The following NKG7 variants were observed in gnomAD, a reference collection of about 807,000 sequenced individuals.
NKG7 encodes protein NKG7.
Under a neutral mutation model 14.7 loss-of-function variants are expected in NKG7, and 8 were observed. The observed-to-expected ratio is 0.54, with a 90% CI of 0.32 to 0.98. NKG7 has a LOEUF of 0.98. Among genes scored for constraint, NKG7 ranks in the 50% least tolerant of loss-of-function variants. The probability of loss-of-function intolerance (pLI) is 0.04; values close to 1 mark genes in which losing one functional copy is unlikely to be tolerated. For missense variants in NKG7, 215 were observed against 211.1 expected, an observed-to-expected ratio of 1.02 and a Z score of -0.11; for synonymous variants, 95 against 90.7, an observed-to-expected ratio of 1.05 and a Z score of -0.27.
In NKG7 at chr19:51,372,004, G is replaced by T. The variant is rs1436053424; in HGVS notation, c.375C>A (p.Ile125=). Residue 125 remains isoleucine, a synonymous_variant, in exon 3 of 4, where the codon ATC becomes ATA. Coordinates refer to ENST00000221978, the MANE Select transcript of NKG7 (RefSeq NM_005601.4). This position sits in a 1 kb window ranked among gnomAD's most constrained non-coding sequence, Gnocchi z 4.8. ...AGAAGGACCAGGAGAAGAAGGTCTG[G>T]ATCTGGGGGTGTGGAGGCTGGTCCC... The part of the protein sequence containing the change: ...ERWDQPPHPQ[I]QTFFSWSFYL... 10 of 1,613,608 alleles carry T rather than the reference G, an allele frequency of 6.2e-6. No homozygotes were observed. The African/African-American group carries it at 1.2e-4, about 19-fold the overall frequency.
Position 51,372,423 on chromosome 19 carries a change from G to T in NKG7, c.113C>A (p.Ala38Asp), listed in dbSNP as rs200480318. The T allele has an allele frequency of 6.2e-7, 1 of 1,614,218 alleles. No individual in the cohort carries two copies. The highest frequency in any genetic ancestry group is 8.5e-7 in the Non-Finnish European group (1 of 1,180,048). The change falls in exon 1 of 4, where the codon GCT becomes GAT. Residue 38 changes from alanine (A) to aspartate (D), a missense_variant. Ala to Asp is a moderately radical substitution (Grantham distance 126, BLOSUM62 -2). Transcript: ENST00000221978. This position sits in a 1 kb window ranked among gnomAD's most constrained non-coding sequence, Gnocchi z 4.8. ...CCCTGTTGGCCAGAGGCCCGAGTGA[G>T]CTGAGTGGGTGGGACCCACAGCCTC... ...WFEAVGPTHS[A>D]HSGLWPTGHG...
Position 51,372,422 on chromosome 19 carries a change from A to G in NKG7, c.114T>C (p.Ala38=), listed in dbSNP as rs1213833256. 6.2e-7 allele frequency: 1 copy of G among 1,614,186 alleles called. No homozygotes were observed. Among genetic ancestry groups the G allele is most frequent in the Non-Finnish European group, 8.5e-7 (1 of 1,180,036 alleles). ...WFEAVGPTHS[A]HSGLWPTGHG... Reference sequence around the variant, plus strand: ...GCCCTGTTGGCCAGAGGCCCGAGTGAGCTGAGTGGGTGGGACCCACAGCCT... The same window carrying G: ...GCCCTGTTGGCCAGAGGCCCGAGTGGGCTGAGTGGGTGGGACCCACAGCCT... Residue 38 remains alanine, a synonymous_variant, in exon 1 of 4, where the codon GCT becomes GCC. Transcript: ENST00000221978. This position sits in a 1 kb window ranked among gnomAD's most constrained non-coding sequence, Gnocchi z 4.8.
In NKG7 at chr19:51,372,002, T is replaced by C; in HGVS notation, c.377A>G (p.Gln126Arg). ...RWDQPPHPQIQTFFSWSFYLG... is the reference protein window; with the variant it reads ...RWDQPPHPQIRTFFSWSFYLG... ...GTAGAAGGACCAGGAGAAGAAGGTC[T>C]GGATCTGGGGGTGTGGAGGCTGGTC... is the stretch of plus-strand genomic sequence containing the variant. Residue 126 changes from glutamine (Q) to arginine (R), a missense_variant, in exon 3 of 4, where the codon CAG becomes CGG. By Grantham distance (43) the Gln-to-Arg change is conservative. Transcript: ENST00000221978. This position sits in a 1 kb window ranked among gnomAD's most constrained non-coding sequence, Gnocchi z 4.8. 1 of 1,613,700 alleles carries C rather than the reference T, an allele frequency of 6.2e-7. No homozygotes were observed. The highest frequency in any genetic ancestry group is 8.5e-7 in the Non-Finnish European group (1 of 1,179,968).
In NKG7 at chr19:51,372,084, A is replaced by C; in HGVS notation, c.305-10T>G. ...ACCACCATGGAGATGGCTGGGGACA[A>C]GGACAAGAGAGATGGCTCAGCTCCT... On this transcript the variant is annotated splice_polypyrimidine_tract_variant and intron_variant, in intron 2 of 3. Coordinates refer to ENST00000221978, the MANE Select transcript of NKG7 (RefSeq NM_005601.4). The surrounding 1 kb of genome is among the most constrained non-coding windows in gnomAD (Gnocchi z 4.8). 1 of 1,602,916 alleles carries C rather than the reference A, an allele frequency of 6.2e-7. No homozygotes were observed. Among genetic ancestry groups the C allele is most frequent in the Non-Finnish European group, 8.5e-7 (1 of 1,172,874 alleles).
At position 51,371,894 on chromosome 19, in the gene NKG7, A is replaced by G; in HGVS notation, c.439+46T>C. On this transcript the variant is annotated intron_variant, in intron 3 of 3. Coordinates refer to ENST00000221978, the MANE Select transcript of NKG7 (RefSeq NM_005601.4). This position sits in a 1 kb window ranked among gnomAD's most constrained non-coding sequence, Gnocchi z 4.2. ...CTGCCCTCTGTCCTCAGGGACCCCA[A>G]CTGGACCCTCCCAAAGCTCCCCAGG... 6.2e-7 allele frequency: 1 copy of G among 1,603,642 alleles called. No individual in the cohort carries two copies. Among genetic ancestry groups the G allele is most frequent in the Middle Eastern group, 1.7e-4 (1 of 6,018 alleles).
chr19:51,372,214 A>G lies in NKG7; in HGVS notation c.251T>C (p.Leu84Pro). Residue 84 changes from leucine (L) to proline (P), a missense_variant, in exon 2 of 4, where the codon CTG (leucine) becomes CCG (proline). Coordinates refer to ENST00000221978, the MANE Select transcript of NKG7 (RefSeq NM_005601.4). This position sits in a 1 kb window ranked among gnomAD's most constrained non-coding sequence, Gnocchi z 4.8. Reference protein sequence around the residue: ...SFLVLSCFPSLFPPGHGPLVS... With the variant: ...SFLVLSCFPSPFPPGHGPLVS... ...AAGCGGGCCGTGGCCTGGGGGGAAC[A>G]GTGAGGGGAAGCAGGACAGGACCAG... 6.2e-7 allele frequency: 1 copy of G among 1,613,600 alleles called. No homozygotes were observed. The highest frequency in any genetic ancestry group is 8.5e-7 in the Non-Finnish European group (1 of 1,179,706).
rs1167405667 is a variant in NKG7 at position 51,371,994 on chromosome 19, A to C, written c.385T>G (p.Phe129Val). 2 of 1,613,670 alleles carry C rather than the reference A, an allele frequency of 1.2e-6. No individual in the cohort carries two copies. Among genetic ancestry groups the C allele is most frequent in the Middle Eastern group, 1.6e-4 (1 of 6,062 alleles). The part of the protein sequence containing the change: ...QPPHPQIQTF[F>V]SWSFYLGWVS... The stretch of plus-strand genomic sequence containing the variant: ...CAGCCCAGGTAGAAGGACCAGGAGA[A>C]GAAGGTCTGGATCTGGGGGTGTGGA... The change falls in exon 3 of 4, where the codon TTC (phenylalanine) becomes GTC (valine). Residue 129 changes from phenylalanine (F) to valine (V), a missense_variant. Physicochemically the swap from Phe to Val is conservative, Grantham distance 50. Transcript: ENST00000221978. The surrounding 1 kb of genome is among the most constrained non-coding windows in gnomAD (Gnocchi z 4.2).
At position 51,371,642 on chromosome 19, in the gene NKG7, G is replaced by A; in HGVS notation, c.*135C>T. On this transcript the variant is annotated 3_prime_UTR_variant, in exon 4 of 4. Transcript: ENST00000221978. This position sits in a 1 kb window ranked among gnomAD's most constrained non-coding sequence, Gnocchi z 4.2. ...AGATTCCAGCCAAATTTTGTTGAAT[G>A]AATGAAGAAACAAGAGGAGGGGCTG... 3.0e-6 allele frequency: 3 copies of A among 1,002,310 alleles called. No individual in the cohort carries two copies. The highest frequency in any genetic ancestry group is 4.3e-6 in the Non-Finnish European group (3 of 691,880). The allele number at this position is 1,002,310 out of a possible 1,614,324, so 62.1% of individuals were successfully genotyped here.
Position 51,372,461 on chromosome 19 carries a change from G to C in NKG7, c.75C>G (p.Thr25=). Residue 25 remains threonine, a synonymous_variant, in exon 1 of 4, where the codon ACC becomes ACG. Coordinates refer to ENST00000221978, the MANE Select transcript of NKG7 (RefSeq NM_005601.4). This position sits in a 1 kb window ranked among gnomAD's most constrained non-coding sequence, Gnocchi z 4.8. ...GLMFCLIALS[T]DFWFEAVGPT... is the part of the protein sequence containing the mutation. ...GACCCACAGCCTCAAACCAGAAATC[G>C]GTGCTCAAAGCAATCAGGCAGAACA... 1 of 1,614,172 alleles carries C rather than the reference G, an allele frequency of 6.2e-7. No homozygotes were observed. Among genetic ancestry groups the C allele is most frequent in the Non-Finnish European group, 8.5e-7 (1 of 1,180,038 alleles).
In NKG7 at chr19:51,371,860, C is replaced by A. The variant is rs372591405; in HGVS notation, c.440-25G>T. ...CCTGGGGAGCCAGAAAGAGTTTAAG[C>A]ACTTGCCCCTGCCCTCTGTCCTCAG... On this transcript the variant is annotated intron_variant, in intron 3 of 3. Coordinates refer to ENST00000221978, the MANE Select transcript of NKG7 (RefSeq NM_005601.4). This position sits in a 1 kb window ranked among gnomAD's most constrained non-coding sequence, Gnocchi z 4.2. The A allele has an allele frequency of 6.2e-7, 1 of 1,609,918 alleles. No homozygotes were observed. The highest frequency in any genetic ancestry group is 1.3e-5 in the African/African-American group (1 of 74,972).
chr19:51,372,063 C>A lies in NKG7; in HGVS notation c.316G>T (p.Val106Leu), dbSNP rs373714319. Residue 106 changes from valine (V) to leucine (L), a missense_variant, in exon 3 of 4, where the codon GTG becomes TTG. Physicochemically the swap from Val to Leu is conservative, Grantham distance 32 (BLOSUM62 1). Coordinates refer to ENST00000221978, the MANE Select transcript of NKG7 (RefSeq NM_005601.4). This position sits in a 1 kb window ranked among gnomAD's most constrained non-coding sequence, Gnocchi z 4.8. ...TAAFAAAISM[V>L]VAMAVYTSER... ...CTGGTGTACACCGCCATGGCCACCA[C>A]CATGGAGATGGCTGGGGACAAGGAC... 79 of 1,610,846 alleles carry A rather than the reference C, an allele frequency of 4.9e-5. No homozygotes were observed. The highest frequency in any genetic ancestry group is 2.4e-4 in the African/African-American group (18 of 75,006).
Position 51,372,513 on chromosome 19 carries a change from G to A in NKG7, c.23C>T (p.Ala8Val). The A allele has an allele frequency of 1.9e-6, 3 of 1,614,036 alleles. No individual in the cohort carries two copies. Among genetic ancestry groups the A allele is most frequent in the Non-Finnish European group, 2.5e-6 (3 of 1,180,012 alleles). The change falls in exon 1 of 4, where the codon GCC (alanine) becomes GTC (valine). Residue 8 changes from alanine to valine, a missense_variant. Transcript: ENST00000221978. The surrounding 1 kb of genome is among the most constrained non-coding windows in gnomAD (Gnocchi z 4.8). MELCRSL[A>V]LLGGSLGLMF... ...CAGGCCCAGGGAGCCCCCCAGCAGG[G>A]CCAGGGACCGGCAGAGCTCCATGGG...
rs747969233 is a variant in NKG7, at chr19:51,371,999, G to A, written c.380C>T (p.Thr127Ile). 6.8e-6 allele frequency: 11 copies of A among 1,613,668 alleles called. No homozygotes were observed. Among genetic ancestry groups the A allele is most frequent in the Non-Finnish European group, 9.3e-6 (11 of 1,179,974 alleles). ...WDQPPHPQIQ[T>I]FFSWSFYLGW... is the part of the protein sequence containing the mutation. The stretch of plus-strand genomic sequence containing the variant: ...CAGGTAGAAGGACCAGGAGAAGAAG[G>A]TCTGGATCTGGGGGTGTGGAGGCTG... Residue 127 changes from threonine to isoleucine, a missense_variant, in exon 3 of 4, where the codon ACC becomes ATC. Thr to Ile is a moderately conservative substitution (Grantham distance 89, BLOSUM62 -1). Coordinates refer to ENST00000221978, the MANE Select transcript of NKG7 (RefSeq NM_005601.4). This position sits in a 1 kb window ranked among gnomAD's most constrained non-coding sequence, Gnocchi z 4.2.
At position 51,371,862 on chromosome 19, in the gene NKG7, C is replaced by A; in HGVS notation, c.440-27G>T. On this transcript the variant is annotated intron_variant, in intron 3 of 3. Transcript: ENST00000221978. This position sits in a 1 kb window ranked among gnomAD's most constrained non-coding sequence, Gnocchi z 4.2. The stretch of plus-strand genomic sequence containing the variant: ...TGGGGAGCCAGAAAGAGTTTAAGCA[C>A]TTGCCCCTGCCCTCTGTCCTCAGGG... 1 of 1,609,522 alleles carries A rather than the reference C, an allele frequency of 6.2e-7. No individual in the cohort carries two copies.
Position 51,372,197 on chromosome 19 carries a change from C to G in NKG7, c.268G>C (p.Gly90Arg), listed in dbSNP as rs568914712. 1.8e-5 allele frequency: 29 copies of G among 1,612,268 alleles called. No homozygotes were observed. Among genetic ancestry groups the G allele is most frequent in the Non-Finnish European group, 2.4e-5 (28 of 1,179,106 alleles). Residue 90 changes from glycine (G) to arginine (R), a missense_variant, in exon 2 of 4, where the codon GGC becomes CGC. Physicochemically the swap from Gly to Arg is moderately radical, Grantham distance 125 (BLOSUM62 -2). Coordinates refer to ENST00000221978, the MANE Select transcript of NKG7 (RefSeq NM_005601.4). This position sits in a 1 kb window ranked among gnomAD's most constrained non-coding sequence, Gnocchi z 4.8. ...CFPSLFPPGHGPLVSTTAAFA... is the reference protein window; with the variant it reads ...CFPSLFPPGHRPLVSTTAAFA... ...GCTGCGGTGGTTGAGACAAGCGGGC[C>G]GTGGCCTGGGGGGAACAGTGAGGGG... is the stretch of plus-strand genomic sequence containing the variant.
In NKG7 at chr19:51,371,988, A is replaced by T; in HGVS notation, c.391T>A (p.Trp131Arg). 6.2e-7 allele frequency: 1 copy of T among 1,613,560 alleles called. No individual in the cohort carries two copies. Among genetic ancestry groups the T allele is most frequent in the Non-Finnish European group, 8.5e-7 (1 of 1,179,958 alleles). ...PHPQIQTFFS[W>R]SFYLGWVSAI... Reference sequence around the variant, plus strand: ...GAGACCCAGCCCAGGTAGAAGGACCAGGAGAAGAAGGTCTGGATCTGGGGG... The same window carrying T: ...GAGACCCAGCCCAGGTAGAAGGACCTGGAGAAGAAGGTCTGGATCTGGGGG... Residue 131 changes from tryptophan (W) to arginine (R), a missense_variant, in exon 3 of 4, where the codon TGG (tryptophan) becomes AGG (arginine). Physicochemically the swap from Trp to Arg is moderately radical, Grantham distance 101 (BLOSUM62 -3). Coordinates refer to ENST00000221978, the MANE Select transcript of NKG7 (RefSeq NM_005601.4). This position sits in a 1 kb window ranked among gnomAD's most constrained non-coding sequence, Gnocchi z 4.2.
Position 51,371,909 on chromosome 19 carries a change from A to C in NKG7, c.439+31T>G. The C allele has an allele frequency of 6.2e-7, 1 of 1,603,420 alleles. No homozygotes were observed. The highest frequency in any genetic ancestry group is 8.5e-7 in the Non-Finnish European group (1 of 1,172,816). On this transcript the variant is annotated intron_variant, in intron 3 of 3. Coordinates refer to ENST00000221978, the MANE Select transcript of NKG7 (RefSeq NM_005601.4). The surrounding 1 kb of genome is among the most constrained non-coding windows in gnomAD (Gnocchi z 4.2). Reference sequence around the variant, plus strand: ...AGGGACCCCAACTGGACCCTCCCAAAGCTCCCCAGGGCAGTGGGCAGGATA... The same window carrying C: ...AGGGACCCCAACTGGACCCTCCCAACGCTCCCCAGGGCAGTGGGCAGGATA...
chr19:51,371,721 G>C lies in NKG7; in HGVS notation c.*56C>G, dbSNP rs4257. ...GGGACCAGACTTTCCCGAGGCTCCA[G>C]ATGAGGCCTTTGGAATACAACGCTC... On this transcript the variant is annotated 3_prime_UTR_variant, in exon 4 of 4. Transcript: ENST00000221978. The surrounding 1 kb of genome is among the most constrained non-coding windows in gnomAD (Gnocchi z 4.2). 1.3e-6 allele frequency: 2 copies of C among 1,554,252 alleles called. No individual in the cohort carries two copies. Among genetic ancestry groups the C allele is most frequent in the African/African-American group, 2.7e-5 (2 of 73,586 alleles).
In NKG7 at chr19:51,372,522, C is replaced by T. The variant is rs780557106; in HGVS notation, c.14G>A (p.Arg5Gln). MELCRSLALLGGSLG... is the reference protein window; with the variant it reads MELCQSLALLGGSLG... Reference sequence around the variant, plus strand: ...GGAGCCCCCCAGCAGGGCCAGGGACCGGCAGAGCTCCATGGGGATAAGCTC... The same window carrying T: ...GGAGCCCCCCAGCAGGGCCAGGGACTGGCAGAGCTCCATGGGGATAAGCTC... The change falls in exon 1 of 4, where the codon CGG (arginine) becomes CAG (glutamine). Residue 5 changes from arginine (R) to glutamine (Q), a missense_variant. Transcript: ENST00000221978. The surrounding 1 kb of genome is among the most constrained non-coding windows in gnomAD (Gnocchi z 4.8). 40 of 1,613,752 alleles carry T rather than the reference C, an allele frequency of 2.5e-5. No homozygotes were observed. The highest frequency in any genetic ancestry group is 9.3e-5 in the African/African-American group (7 of 74,918).
Sources: gnomAD v4.1 joint callset for allele counts on GRCh38, gnomAD v4.1.1 for gene constraint, Gnocchi (gnomAD v3.1) non-coding constraint, MANE v1.5 for transcripts, NCBI Gene and HGNC (gene_info 2026-07-23, HGNC 2026-07-21) for gene names.